Variants in OSBP2 observed in about 807,000 individuals in gnomAD.
OSBP2 encodes the protein oxysterol binding protein 2, also known as oxysterol-binding protein 2.
In OSBP2, 66 loss-of-function variants were observed where a neutral mutation model predicts 96.0. That is an observed-to-expected ratio of 0.69 (90% CI 0.56 to 0.84). OSBP2 has a LOEUF of 0.84. OSBP2 is among the 40% of genes least tolerant of loss of function. OSBP2 has a pLI of 0.00. For synonymous variants in OSBP2, 525 were observed against 520.9 expected (o/e 1.01, Z -0.11); for missense variants, 1,038 against 1,222.7 (o/e 0.85, Z 2.25).
In OSBP2 at chr22:30,733,208, G is replaced by A. The variant is rs1252798467; in HGVS notation, c.645-7953G>A. Among the ~76,000 whole-genome samples the A allele has an allele frequency of 4.6e-5, 7 of 152,136 alleles. No homozygotes were observed. In the South Asian group the frequency reaches 6.2e-4, roughly 14 times the overall value. ...GGTAGATCGGGCACTCAGTGGAGCC[G>A]CGAGATGAGCCTTGGTGCTGGGGAG... On this transcript the variant is annotated intron_variant, in intron 1 of 13. Transcript: ENST00000332585.
chr22:30,730,998 C>A (rs1236472003), intron 1 of OSBP2, among the ~76,000 whole-genome samples: 1 of 149,554 alleles, frequency 6.7e-6, no homozygotes, highest in Non-Finnish European at 1.5e-5. Context: ...CACTGTGAAA[C>A]CCTGTCTTTA....
intron 1 of OSBP2, among the ~76,000 whole-genome samples, chr22:30,731,356 C>G (rs2089775548): frequency 6.6e-6 from 1 of 152,120 alleles, no homozygotes; most frequent in Non-Finnish European, 1.5e-5. Flanking sequence ...AGCAAGCATG[C>G]TTGCCTGGCA....
At chr22:30,715,932 T>G (rs2089446722) in intron 1 of OSBP2, among the ~76,000 whole-genome samples, 1 of 149,656 alleles carries the variant, frequency 6.7e-6, no homozygotes, top group Non-Finnish European at 1.5e-5. Flanking sequence ...GCTCAAGTGA[T>G]CCTCCCACCT....
intron 2 of OSBP2, among the ~76,000 whole-genome samples, chr22:30,778,352 GCCA>G (rs2090466520): frequency 6.7e-6 from 1 of 148,256 alleles, no homozygotes; most frequent in Admixed American, 6.7e-5. Context: ...CAGCGCTGTG[GCCA>G]CCACCGTGTT....
chr22:30,832,651 A>C (rs1041558275), intron 2 of OSBP2, among the ~76,000 whole-genome samples: 1 of 152,182 alleles, frequency 6.6e-6, no homozygotes, highest in African/African-American at 2.4e-5. Flanking sequence ...ACTCATTCTT[A>C]ATTGGAAATG....
chr22:30,721,006 C>G (rs1039521911), intron 1 of OSBP2, among the ~76,000 whole-genome samples: 1 of 152,150 alleles, frequency 6.6e-6, no homozygotes, highest in African/African-American at 2.4e-5. Context: ...AGGCAGATCA[C>G]TTGAGGTCAG....
Position 30,890,752 on chromosome 22 carries a change from A to C in OSBP2, c.1648A>C (p.Met550Leu). The change falls in exon 8 of 14, where the codon ATG becomes CTG. Residue 550 changes from methionine to leucine, a missense_variant. Transcript: ENST00000332585. The surrounding 1 kb of genome is among the most constrained non-coding windows in gnomAD (Gnocchi z 4.4). ...MPVNFNEPLS[M>L]LQRLTEDLEY... is the part of the protein sequence containing the mutation. ...GGTGAACTTCAATGAGCCCCTGTCC[A>C]TGCTCCAGCGGCTGACAGAGGACCT... 1 of 1,613,090 alleles carries C rather than the reference A, an allele frequency of 6.2e-7. No individual in the cohort carries two copies. The highest frequency in any genetic ancestry group is 8.5e-7 in the Non-Finnish European group (1 of 1,179,980).
At chr22:30,898,293 C>T (rs1444034175) in intron 12 of OSBP2, among the ~76,000 whole-genome samples, 1 of 151,856 alleles carries the variant, frequency 6.6e-6, no homozygotes, top group Non-Finnish European at 1.5e-5. Context: ...GTCGAGGCTG[C>T]AGTGAGTTGT....
At chr22:30,902,971 T>C (rs1231468628) in intron 12 of OSBP2, among the ~76,000 whole-genome samples, 3 of 152,130 alleles carry the variant, frequency 2.0e-5, no homozygotes, top group Non-Finnish European at 4.4e-5. Context: ...GGCTTTGCTG[T>C]ATCTATCTAG....
At chr22:30,724,070 C>T (rs2089600980) in intron 1 of OSBP2, among the ~76,000 whole-genome samples, 1 of 152,204 alleles carries the variant, frequency 6.6e-6, no homozygotes, top group Non-Finnish European at 1.5e-5. Context: ...CCCCAAGCAA[C>T]CACTGATCTT....
chr22:30,730,754 CTCTCTCTCTCTCTCTCTCTCTATA>C (rs2089744564), intron 1 of OSBP2, among the ~76,000 whole-genome samples: 1 of 45,152 alleles, frequency 2.2e-5, no homozygotes, highest in South Asian at 1.0e-3. Flanking sequence ...CTCTCTCTCT[CTCTCTCTCTCTCTCTCTCTCTATA>C]TATATATATA....
In OSBP2 at chr22:30,871,468, C is replaced by T. The variant is rs990657025; in HGVS notation, c.1107+786C>T. ...CTCCTCCCAGGACAGTCCCCCAGGG[C>T]GGCACATCTGGGCCAGGGGTGCAGT... On this transcript the variant is annotated intron_variant, in intron 3 of 13. Transcript: ENST00000332585. The surrounding 1 kb of genome is among the most constrained non-coding windows in gnomAD (Gnocchi z 4.7). Among the ~76,000 whole-genome samples, 15 of 152,308 alleles carry T rather than the reference C, an allele frequency of 9.8e-5. No individual in the cohort carries two copies. The highest frequency in any genetic ancestry group is 3.4e-4 in the African/African-American group (14 of 41,566).
Position 30,870,270 on chromosome 22 carries a change from A to G in OSBP2, c.854-159A>G, listed in dbSNP as rs1012274444. Among the ~76,000 whole-genome samples the G allele has an allele frequency of 2.0e-5, 3 of 152,110 alleles. No individual in the cohort carries two copies. Among genetic ancestry groups the G allele is most frequent in the Non-Finnish European group, 4.4e-5 (3 of 68,010 alleles). ...TGGGAAGGCTGGGCCAGGATGGGGCAGGCACCTCACCCCGGCCAGGAACAG... is the reference window on the plus strand; with the variant it reads ...TGGGAAGGCTGGGCCAGGATGGGGCGGGCACCTCACCCCGGCCAGGAACAG... On this transcript the variant is annotated intron_variant, in intron 2 of 13. Coordinates refer to ENST00000332585, the MANE Select transcript of OSBP2 (RefSeq NM_030758.4). This position sits in a 1 kb window ranked among gnomAD's most constrained non-coding sequence, Gnocchi z 4.1.
chr22:30,764,132 T>C, intron 2 of OSBP2: 1 of 571,290 alleles, frequency 1.8e-6, no homozygotes, highest in Non-Finnish European at 2.2e-6. Context: ...GCCTAGCGCC[T>C]CAGGGGCTCC....
intron 1 of OSBP2, among the ~76,000 whole-genome samples, chr22:30,702,172 A>T (rs968749963): frequency 2.0e-5 from 3 of 151,868 alleles, no homozygotes; most frequent in African/African-American, 7.3e-5. Flanking sequence ...CCTCCTCTCC[A>T]TCCCAGTTGC....
intron 2 of OSBP2, among the ~76,000 whole-genome samples, chr22:30,762,272 G>C (rs571175149): frequency 6.7e-6 from 1 of 150,238 alleles, no homozygotes; most frequent in South Asian, 2.1e-4. Flanking sequence ...ATTTTGGGCC[G>C]GGCGCGGTGG....
intron 1 of OSBP2, among the ~76,000 whole-genome samples, chr22:30,725,640 C>G (rs890341136): frequency 1.3e-5 from 2 of 152,006 alleles, no homozygotes; most frequent in African/African-American, 4.8e-5. Flanking sequence ...CTTTCCTGAT[C>G]TCCTCCCCTT....
intron 2 of OSBP2, among the ~76,000 whole-genome samples, chr22:30,826,174 G>C (rs1246810392): frequency 6.6e-6 from 1 of 152,142 alleles, no homozygotes; most frequent in Admixed American, 6.6e-5. Flanking sequence ...ATTGATGGAG[G>C]ACACGGGGTC....
At chr22:30,882,507 A>AT (rs2039724627) in intron 3 of OSBP2, among the ~76,000 whole-genome samples, 1 of 22,198 alleles carries the variant, frequency 4.5e-5, no homozygotes, top group Admixed American at 3.5e-4. Context: ...TGCACACTAT[A>AT]AAAAAAAAAA....
Sources: gnomAD v4.1 joint callset for allele counts (sites outside exome capture counted in the v4.1 genomes callset) on GRCh38, gnomAD v4.1.1 for gene constraint, Gnocchi (gnomAD v3.1) non-coding constraint, MANE v1.5 for transcripts, NCBI Gene and HGNC (gene_info 2026-07-23, HGNC 2026-07-21) for gene names.